Variants in TESC observed in about 807,000 individuals in gnomAD.
TESC encodes the protein calcineurin B homologous protein 3.
TESC carries 19 observed loss-of-function variants against 31.0 expected under a neutral mutation model. The observed-to-expected ratio is 0.61, with a 90% CI of 0.43 to 0.90. The LOEUF (loss-of-function observed/expected upper bound fraction) is 0.90. Among genes scored for constraint, TESC ranks in the 40% least tolerant of loss-of-function variants. TESC has a pLI of 0.00. For synonymous variants in TESC, 109 were observed against 114.8 expected (o/e 0.95, Z 0.32); for missense variants, 248 against 303.8 (o/e 0.82, Z 1.36).
chr12:117,066,582 G>A (rs1012373483), intron 2 of TESC, among the ~76,000 whole-genome samples: 1 of 151,922 alleles, frequency 6.6e-6, no homozygotes, highest in African/African-American at 2.4e-5. Flanking sequence ...AGCCAGGATG[G>A]TCTCGATCTC....
chr12:117,066,738 C>T (rs974648597), intron 2 of TESC, among the ~76,000 whole-genome samples: 4 of 152,044 alleles, frequency 2.6e-5, no homozygotes, highest in African/African-American at 9.7e-5. Context: ...ACCCCTCACA[C>T]ACATAAGCAT....
At chr12:117,075,913 A>ATATATATATATATATATATATATATATG (rs1265957613) in intron 1 of TESC, among the ~76,000 whole-genome samples, 1 of 51,964 alleles carries the variant, frequency 1.9e-5, no homozygotes, top group Non-Finnish European at 3.3e-5. Context: ...ATATATATAT[A>ATATATATATATATATATATATATATATG]TGTGTGTGTG....
intron 1 of TESC, among the ~76,000 whole-genome samples, chr12:117,077,719 T>C (rs1955092345): frequency 6.6e-6 from 1 of 152,206 alleles, no homozygotes; most frequent in South Asian, 2.1e-4. Flanking sequence ...GTCAAGATAG[T>C]GGCTGCTCTT....
At chr12:117,073,319 ACT>A (rs1208691642) in intron 2 of TESC, among the ~76,000 whole-genome samples, 1 of 151,994 alleles carries the variant, frequency 6.6e-6, no homozygotes, top group Non-Finnish European at 1.5e-5. Context: ...AAGCCAGGTG[ACT>A]CTTCCGCTGG....
chr12:117,098,246 C>T (rs1202424993), intron 1 of TESC: 1 of 152,290 alleles, frequency 6.6e-6, no homozygotes, highest in Non-Finnish European at 1.5e-5. Context: ...GAGCGTCTAC[C>T]AGGTACTAGG....
chr12:117,091,828 T>A (rs1156290240), intron 1 of TESC, among the ~76,000 whole-genome samples: 1 of 152,136 alleles, frequency 6.6e-6, no homozygotes, highest in Non-Finnish European at 1.5e-5. Context: ...GCCGACTTGG[T>A]AAACAATGTG....
intron 2 of TESC, among the ~76,000 whole-genome samples, chr12:117,070,838 G>A (rs952721821): frequency 6.6e-6 from 1 of 152,074 alleles, no homozygotes; most frequent in Non-Finnish European, 1.5e-5. Context: ...AGGTGTGGTG[G>A]CACACACCTG....
At chr12:117,087,217 G>A (rs1955229282) in intron 1 of TESC, among the ~76,000 whole-genome samples, 1 of 152,204 alleles carries the variant, frequency 6.6e-6, no homozygotes, top group Admixed American at 6.5e-5. Flanking sequence ...GGGTGCACTT[G>A]GCCTTGAGAA....
chr12:117,093,926 C>G (rs1244121040), intron 1 of TESC, among the ~76,000 whole-genome samples: 1 of 152,030 alleles, frequency 6.6e-6, no homozygotes, highest in African/African-American at 2.4e-5. Flanking sequence ...TTTCCAACTC[C>G]AGGAGCAGAC....
intron 1 of TESC, among the ~76,000 whole-genome samples, chr12:117,075,885 A>C (rs1473970849): frequency 4.3e-5 from 2 of 46,224 alleles, no homozygotes; most frequent in Admixed American, 3.7e-4. Flanking sequence ...GTATATATAT[A>C]TATATATATA....
chr12:117,045,338 T>A (rs1489217512), intron 6 of TESC, among the ~76,000 whole-genome samples: 1 of 152,242 alleles, frequency 6.6e-6, no homozygotes, highest in Non-Finnish European at 1.5e-5. Flanking sequence ...AGCTGGCAGC[T>A]GCCAGCAATT....
At chr12:117,091,559 G>A (rs1430125345) in intron 1 of TESC, among the ~76,000 whole-genome samples, 1 of 152,234 alleles carries the variant, frequency 6.6e-6, no homozygotes, top group Admixed American at 6.5e-5. Flanking sequence ...TGCGGAGCGA[G>A]GACGTCTTGG....
chr12:117,048,262 T>G (rs973744718), intron 4 of TESC, among the ~76,000 whole-genome samples: 6 of 152,180 alleles, frequency 3.9e-5, no homozygotes, highest in Non-Finnish European at 7.3e-5. Context: ...CCACGCCCCT[T>G]GGAGCAGACA....
intron 6 of TESC, among the ~76,000 whole-genome samples, chr12:117,044,201 C>A (rs958042501): frequency 6.6e-6 from 1 of 152,076 alleles, no homozygotes; most frequent in African/African-American, 2.4e-5. Flanking sequence ...GAGATGGAAG[C>A]CGTAGTGAGC....
chr12:117,050,166 C>A (rs1465307872), intron 3 of TESC, among the ~76,000 whole-genome samples: 1 of 151,628 alleles, frequency 6.6e-6, no homozygotes, highest in Non-Finnish European at 1.5e-5. Context: ...AATAGTATTT[C>A]ATGACAAGTG....
intron 1 of TESC, among the ~76,000 whole-genome samples, chr12:117,075,657 G>A (rs1343257897): frequency 6.6e-6 from 1 of 151,206 alleles, no homozygotes; most frequent in Non-Finnish European, 1.5e-5. Context: ...GCCCACTACA[G>A]AGAAACTTTG....
In TESC at chr12:117,049,316, C is replaced by T. The variant is rs906390320; in HGVS notation, c.210-158G>A. The stretch of plus-strand genomic sequence containing the variant: ...TGTGCCCCAAGAACCTGCTTCGTGG[C>T]GGGGCTGCAGGCTCCGGAAGCTGAA... On this transcript the variant is annotated intron_variant, in intron 3 of 7. Coordinates refer to ENST00000335209, the MANE Select transcript of TESC (RefSeq NM_017899.4). Among the ~76,000 whole-genome samples, 4 of 152,220 alleles carry T rather than the reference C, an allele frequency of 2.6e-5. No individual in the cohort carries two copies. In the South Asian group the frequency reaches 6.2e-4, roughly 24 times the overall value.
chr12:117,077,743 T>C (rs1317707601), intron 1 of TESC, among the ~76,000 whole-genome samples: 3 of 152,198 alleles, frequency 2.0e-5, no homozygotes, highest in African/African-American at 7.2e-5. Context: ...GGAGGCATCA[T>C]AGATGACGCT....
chr12:117,041,477 C>T (rs553064871), intron 7 of TESC, among the ~76,000 whole-genome samples: 136 of 152,220 alleles, frequency 8.9e-4, no homozygotes, highest in African/African-American at 3.0e-3. Flanking sequence ...GGATTACAGG[C>T]GCCTGCCACC....
Sources: allele counts gnomAD v4.1 joint callset (sites outside exome capture counted in the v4.1 genomes callset), GRCh38; gene constraint gnomAD v4.1.1; transcripts MANE v1.5; gene names NCBI Gene and HGNC (gene_info 2026-07-23, HGNC 2026-07-21).